UGGT2: variants seen among roughly 807,000 people sequenced by gnomAD.
UGGT2 encodes the protein UDP-glucose:glycoprotein glucosyltransferase 2.
UGGT2 carries 180 observed loss-of-function variants against 192.1 expected under a neutral mutation model. The ratio of observed to expected loss-of-function variants is 0.94; its 90% CI spans 0.83 to 1.06. UGGT2 has a LOEUF of 1.06. Ranked by LOEUF, UGGT2 falls within the 50% of genes least tolerant of loss-of-function variation. The probability of loss-of-function intolerance (pLI) is 0.00; values close to 1 mark genes in which losing one functional copy is unlikely to be tolerated. For missense variants in UGGT2, 1,849 were observed against 1,795.7 expected (o/e 1.03, Z -0.54); for synonymous variants, 580 against 591.0 (o/e 0.98, Z 0.27).
intron 27 of UGGT2, among the ~76,000 whole-genome samples, chr13:95,881,769 T>C (rs548114208): frequency 6.6e-6 from 1 of 152,316 alleles, no homozygotes; most frequent in South Asian, 2.1e-4. Flanking sequence ...GTAACCACCA[T>C]TGTTATTCCA....
intron 12 of UGGT2, among the ~76,000 whole-genome samples, chr13:95,967,641 T>G (rs902676326): frequency 6.6e-6 from 1 of 151,856 alleles, no homozygotes; most frequent in Non-Finnish European, 1.5e-5. Flanking sequence ...ACCCAGCTAA[T>G]TTTTGTACAT....
At chr13:96,037,810 T>G (rs1025582425) in intron 1 of UGGT2, among the ~76,000 whole-genome samples, 2 of 152,238 alleles carry the variant, frequency 1.3e-5, no homozygotes, top group Non-Finnish European at 2.9e-5. Flanking sequence ...ACCTCTTTGC[T>G]TTTCCTACAA....
chr13:95,931,013 G>A (rs998170003), intron 17 of UGGT2, among the ~76,000 whole-genome samples: 36 of 152,276 alleles, frequency 2.4e-4, no homozygotes, highest in Middle Eastern at 6.8e-3. Context: ...TGCCACGGCT[G>A]GCTTGGGCAG....
intron 30 of UGGT2, among the ~76,000 whole-genome samples, chr13:95,866,032 C>T (rs1042007719): frequency 2.0e-5 from 3 of 150,036 alleles, no homozygotes; most frequent in African/African-American, 7.3e-5. Context: ...TTCACACTAG[C>T]GTGTGTGTGT....
chr13:95,897,841 A>G (rs768395899), intron 22 of UGGT2, among the ~76,000 whole-genome samples: 5 of 152,166 alleles, frequency 3.3e-5, no homozygotes, highest in Admixed American at 6.5e-5. Context: ...CTTAATATCT[A>G]TCTCCAGCCC....
In UGGT2 at chr13:95,934,669, G is replaced by A. The variant is rs145561102; in HGVS notation, c.1977+2255C>T. 3.2e-3 allele frequency among the ~76,000 whole-genome samples: 483 copies of A among 152,138 alleles called. 3 individuals are homozygous for A. Among genetic ancestry groups the A allele is most frequent in the African/African-American group, 0.011 (459 of 41,498 alleles). ...TGGGACTACAGGCACCCACCATGAC[G>A]CCTGGCTAAGTTTTAAGTTTTTTGT... On this transcript the variant is annotated intron_variant, in intron 17 of 38. Transcript: ENST00000376747.
At chr13:95,895,019 G>C (rs1193042185) in intron 23 of UGGT2, among the ~76,000 whole-genome samples, 161 bp downstream of exon 23, 26 of 152,080 alleles carry the variant, frequency 1.7e-4, no homozygotes, top group Admixed American at 1.7e-3. Flanking sequence ...TTTTGTGATG[G>C]TGAGTAAATG....
At chr13:95,950,364 CTTTCA>C (rs767920629) in intron 12 of UGGT2, among the ~76,000 whole-genome samples, 4 of 151,966 alleles carry the variant, frequency 2.6e-5, no homozygotes, top group Non-Finnish European at 5.9e-5. Context: ...ACACTGTAGA[CTTTCA>C]TTTGAGACCC....
At chr13:95,928,290 G>A (rs1260785037) in intron 17 of UGGT2, among the ~76,000 whole-genome samples, 1 of 151,274 alleles carries the variant, frequency 6.6e-6, no homozygotes, top group African/African-American at 2.4e-5. Flanking sequence ...GGCTGGCCGG[G>A]CAGGGGCTGC....
chr13:95,951,537 G>C (rs1376277042), intron 12 of UGGT2, among the ~76,000 whole-genome samples: 1 of 152,216 alleles, frequency 6.6e-6, no homozygotes, highest in Non-Finnish European at 1.5e-5. Flanking sequence ...GAATCATACA[G>C]AGCCTTCAAG....
intron 17 of UGGT2, among the ~76,000 whole-genome samples, chr13:95,929,376 G>T (rs1162908994): frequency 1.3e-5 from 2 of 152,166 alleles, no homozygotes; most frequent in East Asian, 1.9e-4. Flanking sequence ...TGAAGTTGGG[G>T]TTATGACTGA....
chr13:95,829,443 CCTT>C (rs1179612401), intron 38 of UGGT2, among the ~76,000 whole-genome samples: 4 of 152,168 alleles, frequency 2.6e-5, no homozygotes, highest in African/African-American at 9.7e-5. Flanking sequence ...CCCCAAATCT[CCTT>C]AAGCTGATAA....
At chr13:95,944,730 T>C in intron 15 of UGGT2, among the ~76,000 whole-genome samples, 1 of 152,020 alleles carries the variant, frequency 6.6e-6, no homozygotes. Flanking sequence ...TAACTCCTTT[T>C]CTAACTAAAA....
intron 1 of UGGT2, among the ~76,000 whole-genome samples, chr13:96,048,110 AAAG>A (rs1212727143): frequency 2.6e-5 from 4 of 152,352 alleles, no homozygotes; most frequent in South Asian, 2.1e-4. Context: ...AGCAAATGTA[AAAG>A]AAGAGAAATT....
At chr13:96,013,596 AT>A in intron 4 of UGGT2, 115 bp from the exon 5 acceptor site, 1 of 699,034 alleles carries the variant, frequency 1.4e-6, no homozygotes, top group Non-Finnish European at 2.0e-6. Context: ...CAGAAAAAGA[AT>A]TTAAATTTCC....
In UGGT2 at chr13:95,853,622, C is replaced by G. The variant is rs1467772465; in HGVS notation, c.4205G>C (p.Arg1402Thr). The change falls in exon 36 of 39, where the codon AGA becomes ACA. Residue 1402 changes from arginine (R) to threonine (T), a missense_variant. Physicochemically the swap from Arg to Thr is moderately conservative, Grantham distance 71. Coordinates refer to ENST00000376747, the MANE Select transcript of UGGT2 (RefSeq NM_020121.4). ...CCTGAGCCTGTCACCTGCTCCAATT[C>G]TCCTGAACTTCTTGAGATCCACTAC... ...LYVVDLKKFR[R>T]IGAGDRLRSQ... The G allele has an allele frequency of 1.9e-6, 3 of 1,588,826 alleles. No homozygotes were observed. The African/African-American group carries it at 4.1e-5, about 22-fold the overall frequency.
intron 38 of UGGT2, among the ~76,000 whole-genome samples, chr13:95,821,589 T>C (rs950748617): frequency 6.6e-6 from 1 of 152,130 alleles, no homozygotes; most frequent in Admixed American, 6.5e-5. Flanking sequence ...TTAGGTCCCA[T>C]TTACTTATTT....
intron 38 of UGGT2, among the ~76,000 whole-genome samples, chr13:95,813,479 A>C (rs1167017394): frequency 1.3e-5 from 2 of 152,188 alleles, no homozygotes; most frequent in African/African-American, 4.8e-5. Context: ...AAAGTATTTA[A>C]TATGTGTCCT....
intron 20 of UGGT2, among the ~76,000 whole-genome samples, chr13:95,916,758 C>G (rs1203029418): frequency 6.6e-6 from 1 of 151,916 alleles, no homozygotes; most frequent in Non-Finnish European, 1.5e-5. Context: ...ACAATGCAAC[C>G]ACAAGTATCA....
Sources: allele counts gnomAD v4.1 joint callset (sites outside exome capture counted in the v4.1 genomes callset), GRCh38; gene constraint gnomAD v4.1.1; transcripts MANE v1.5; gene names NCBI Gene and HGNC (gene_info 2026-07-23, HGNC 2026-07-21).